The following KDM4C variants were observed in gnomAD, a reference collection of about 807,000 sequenced individuals.
KDM4C encodes the protein lysine-specific demethylase 4C.
Under a neutral mutation model 129.3 loss-of-function variants are expected in KDM4C, and 81 were observed. The ratio of observed to expected loss-of-function variants is 0.63; its 90% CI spans 0.52 to 0.75. KDM4C has a LOEUF of 0.75. KDM4C is among the 30% of genes least tolerant of loss of function. The pLI is 0.00. For missense variants in KDM4C, 1,457 were observed against 1,304.0 expected, an observed-to-expected ratio of 1.12 and a Z score of -1.81; for synonymous variants, 573 against 456.1, an observed-to-expected ratio of 1.26 and a Z score of -3.26.
In KDM4C at chr9:6,832,232, C is replaced by T. The variant is rs1189208481; in HGVS notation, c.436-17275C>T. 3.4e-5 allele frequency among the ~76,000 whole-genome samples: 5 copies of T among 149,224 alleles called. No individual in the cohort carries two copies. The East Asian group carries it at 8.3e-4, about 25-fold the overall frequency. On this transcript the variant is annotated intron_variant, in intron 4 of 21. Coordinates refer to ENST00000381309, the MANE Select transcript of KDM4C (RefSeq NM_015061.6). ...GTGGGAGCCTGTAGTCCCAGCTACT[C>T]GGGAGGCTGAGGCAGGAGAATGGTG...
At chr9:7,154,758 T>G (rs1479807625) in intron 19 of KDM4C, among the ~76,000 whole-genome samples, 1 of 152,168 alleles carries the variant, frequency 6.6e-6, no homozygotes, top group Admixed American at 6.5e-5. Flanking sequence ...CTGTCTTTAA[T>G]TTTCACATCA....
At chr9:6,873,152 A>T (rs1380954513) in intron 5 of KDM4C, among the ~76,000 whole-genome samples, 3 of 152,140 alleles carry the variant, frequency 2.0e-5, no homozygotes, top group African/African-American at 7.2e-5. Context: ...ATGCACCACC[A>T]TGCCTGGCTA....
At chr9:6,762,522 A>G (rs1819757619) in intron 1 of KDM4C, among the ~76,000 whole-genome samples, 1 of 151,958 alleles carries the variant, frequency 6.6e-6, no homozygotes, top group African/African-American at 2.4e-5. Context: ...TCATAATTAA[A>G]GTCACAGTAT....
chr9:6,958,198 A>T (rs1829413956), intron 8 of KDM4C, among the ~76,000 whole-genome samples: 2 of 152,048 alleles, frequency 1.3e-5, no homozygotes, highest in African/African-American at 4.8e-5. Flanking sequence ...TTCACCTGTT[A>T]ACTCTGCAGT....
chr9:7,011,938 C>T, intron 13 of KDM4C, 59 bp downstream of exon 13: 1 of 1,385,284 alleles, frequency 7.2e-7, no homozygotes, highest in East Asian at 2.3e-5. Flanking sequence ...TGACCACATA[C>T]CACAAGATCA....
intron 1 of KDM4C, among the ~76,000 whole-genome samples, chr9:6,787,338 G>T (rs1332874992): frequency 7.2e-5 from 11 of 152,328 alleles, no homozygotes; most frequent in African/African-American, 2.6e-4. Flanking sequence ...GTTCAAGTGA[G>T]TCTTGTGCCT....
At chr9:6,744,390 T>C (rs1817808258) in intron 1 of KDM4C, among the ~76,000 whole-genome samples, 1 of 152,184 alleles carries the variant, frequency 6.6e-6, no homozygotes, top group African/African-American at 2.4e-5. Context: ...CTGGGCATGG[T>C]GGCGTGCGCC....
chr9:6,951,153 A>G (rs1828072624), intron 8 of KDM4C, among the ~76,000 whole-genome samples: 1 of 151,910 alleles, frequency 6.6e-6, no homozygotes, highest in Non-Finnish European at 1.5e-5. Context: ...ATCATCTCAA[A>G]CACTTATCAT....
At chr9:6,804,981 A>T (rs966511104) in intron 2 of KDM4C, among the ~76,000 whole-genome samples, 2 of 150,506 alleles carry the variant, frequency 1.3e-5, no homozygotes, top group African/African-American at 4.9e-5. Flanking sequence ...GCTCACTGCA[A>T]CCCCTGCCTC....
intron 19 of KDM4C, among the ~76,000 whole-genome samples, chr9:7,162,756 C>A (rs1249617200): frequency 1.3e-5 from 2 of 151,948 alleles, no homozygotes; most frequent in East Asian, 3.9e-4. Context: ...GAAGGGGAGG[C>A]CGTAACTCTC....
chr9:6,949,155 C>G (rs1435016714), intron 8 of KDM4C, among the ~76,000 whole-genome samples: 1 of 150,086 alleles, frequency 6.7e-6, no homozygotes, highest in African/African-American at 2.5e-5. Context: ...CGGAGGGGCT[C>G]CTCACTTCTT....
intron 4 of KDM4C, among the ~76,000 whole-genome samples, chr9:6,822,094 C>T (rs762776313): frequency 2.6e-5 from 4 of 152,254 alleles, no homozygotes; most frequent in Non-Finnish European, 5.9e-5. Flanking sequence ...AGGCATGGGG[C>T]GAATCCAGCC....
intron 17 of KDM4C, among the ~76,000 whole-genome samples, chr9:7,087,158 G>A (rs1428312979): frequency 1.3e-5 from 2 of 150,556 alleles, no homozygotes; most frequent in Non-Finnish European, 2.9e-5. Context: ...ACACAGTGAT[G>A]GGTTCTGACC....
At chr9:6,784,563 A>G (rs1000859974) in intron 1 of KDM4C, among the ~76,000 whole-genome samples, 7 of 150,016 alleles carry the variant, frequency 4.7e-5, no homozygotes, top group East Asian at 1.9e-4. Flanking sequence ...AGAAAAGAGG[A>G]AAAAAAAATC....
intron 19 of KDM4C, among the ~76,000 whole-genome samples, chr9:7,159,475 G>T (rs189107485): frequency 2.6e-4 from 39 of 152,304 alleles, no homozygotes; most frequent in African/African-American, 9.1e-4. Flanking sequence ...GCTACCGGTT[G>T]TTTCTTTCCA....
At chr9:6,904,194 G>T (rs1241692738) in intron 8 of KDM4C, among the ~76,000 whole-genome samples, 3 of 151,940 alleles carry the variant, frequency 2.0e-5, no homozygotes. Flanking sequence ...AGCTGACATT[G>T]TGCCACTGCA....
At position 6,975,630 on chromosome 9, in the gene KDM4C, T is replaced by C. The variant is rs1832791461; in HGVS notation, c.922-5295T>C. ...ACTCTTATTCTCTAGGCACCTAGAA[T>C]ATACTTCTCTATAAGACAGACACTG... is the stretch of plus-strand genomic sequence containing the variant. On this transcript the variant is annotated intron_variant, in intron 8 of 21. Coordinates refer to ENST00000381309, the MANE Select transcript of KDM4C (RefSeq NM_015061.6). Among the ~76,000 whole-genome samples the C allele has an allele frequency of 2.6e-5, 4 of 152,238 alleles. No individual in the cohort carries two copies. In the South Asian group the frequency reaches 8.3e-4, roughly 31 times the overall value.
upstream of KDM4C, among the ~76,000 whole-genome samples, chr9:6,754,222 T>C (rs1818169154): frequency 6.6e-6 from 1 of 151,858 alleles, no homozygotes; most frequent in Admixed American, 6.6e-5. Flanking sequence ...TTTTTCTTTT[T>C]TTTTTCTGAG....
intron 12 of KDM4C, among the ~76,000 whole-genome samples, chr9:6,993,363 G>C (rs897172519): frequency 1.3e-5 from 2 of 151,902 alleles, no homozygotes; most frequent in African/African-American, 4.8e-5. Flanking sequence ...ATGTTTTTCA[G>C]TTGCATGTTT....
Sources: allele counts gnomAD v4.1 joint callset (sites outside exome capture counted in the v4.1 genomes callset), GRCh38; gene constraint gnomAD v4.1.1; transcripts MANE v1.5; gene names NCBI Gene and HGNC (gene_info 2026-07-23, HGNC 2026-07-21).